The following PBX1 variants were observed in gnomAD, a reference collection of about 807,000 sequenced individuals.
PBX1 encodes the protein pre-B-cell leukemia transcription factor 1.
In PBX1, 6 loss-of-function variants were observed where a neutral mutation model predicts 53.4. That is an observed-to-expected ratio of 0.11 (90% CI 0.06 to 0.22). The LOEUF (loss-of-function observed/expected upper bound fraction) is 0.22. Among genes scored for constraint, PBX1 ranks in the 10% least tolerant of loss-of-function variants. The probability of loss-of-function intolerance (pLI) is 1.00; values close to 1 mark genes in which losing one functional copy is unlikely to be tolerated. For missense variants in PBX1, 251 were observed against 551.4 expected (o/e 0.46, Z 5.46); for synonymous variants, 204 against 212.3 (o/e 0.96, Z 0.34).
At chr1:164,813,096 T>TAC (rs778108455) in intron 6 of PBX1, 16 of 151,918 alleles carry the variant, frequency 1.1e-4, no homozygotes, top group Non-Finnish European at 2.1e-4. Flanking sequence ...TTTTAGAGTA[T>TAC]GTGGTATCTT....
chr1:164,647,524 T>A (rs76787983), intron 2 of PBX1, among the ~76,000 whole-genome samples: 1 of 152,192 alleles, frequency 6.6e-6, no homozygotes, highest in Non-Finnish European at 1.5e-5. Context: ...CTCCCAGGTA[T>A]GATCTTTTAA....
chr1:164,606,675 A>G (rs1054335780), intron 2 of PBX1, among the ~76,000 whole-genome samples: 5 of 152,202 alleles, frequency 3.3e-5, no homozygotes, highest in Non-Finnish European at 5.9e-5. Flanking sequence ...CCATGATGGC[A>G]GGGACTTTGT....
In PBX1 at chr1:164,848,805, G is replaced by A; in HGVS notation, c.*2129G>A. On this transcript the variant is annotated 3_prime_UTR_variant, in exon 9 of 9. Transcript: ENST00000420696. ...AGCAAGAACATGGAAATTCTGCTTG[G>A]CACTACAGTCATAAATAGAAAACAC... 1.9e-6 allele frequency: 2 copies of A among 1,062,720 alleles called. No homozygotes were observed. The highest frequency in any genetic ancestry group is 5.1e-5 in the East Asian group (1 of 19,700). The allele number at this position is 1,062,720 out of a possible 1,614,324, so 65.8% of individuals were successfully genotyped here.
chr1:164,823,694 CAT>C (rs770467915), intron 8 of PBX1, among the ~76,000 whole-genome samples: 7 of 152,006 alleles, frequency 4.6e-5, no homozygotes, highest in Non-Finnish European at 7.4e-5. Flanking sequence ...TGTAACCAAA[CAT>C]GTGCAGACAA....
chr1:164,620,123 G>C (rs6669208), intron 2 of PBX1, among the ~76,000 whole-genome samples: 9,801 of 152,212 alleles, frequency 0.064, 835 homozygotes, highest in East Asian at 0.39. Context: ...AGCCCAGGGA[G>C]GTCAAGGCTG....
At chr1:164,653,122 C>T (rs921088217) in intron 2 of PBX1, among the ~76,000 whole-genome samples, 12 of 152,224 alleles carry the variant, frequency 7.9e-5, no homozygotes, top group African/African-American at 2.9e-4. Context: ...CCGCCTCAGC[C>T]TCCCAAAGTG....
chr1:164,764,973 T>C (rs899477984), intron 2 of PBX1, among the ~76,000 whole-genome samples: 1 of 152,154 alleles, frequency 6.6e-6, no homozygotes, highest in African/African-American at 2.4e-5. Flanking sequence ...CTCCTGTGAA[T>C]TGGTCTTCTT....
chr1:164,854,945 CTTTTTT>C (rs539213655), downstream of PBX1, among the ~76,000 whole-genome samples: 1 of 116,364 alleles, frequency 8.6e-6, no homozygotes. Flanking sequence ...CTCTCTCTCT[CTTTTTT>C]TTTTTTTTTT....
intron 2 of PBX1, among the ~76,000 whole-genome samples, chr1:164,660,836 A>G (rs954003750): frequency 6.6e-6 from 1 of 152,230 alleles, no homozygotes; most frequent in African/African-American, 2.4e-5. Context: ...TACAAATAAC[A>G]TATCAGTTGT....
At chr1:164,572,676 T>C (rs997535815) in intron 2 of PBX1, among the ~76,000 whole-genome samples, 6 of 152,184 alleles carry the variant, frequency 3.9e-5, no homozygotes, top group African/African-American at 1.4e-4. Flanking sequence ...AGCTTCAGTG[T>C]TCTCATTTCT....
At chr1:164,660,867 C>G (rs1189458955) in intron 2 of PBX1, among the ~76,000 whole-genome samples, 1 of 152,186 alleles carries the variant, frequency 6.6e-6, no homozygotes, top group Admixed American at 6.5e-5. Context: ...AATTCTCTTT[C>G]TAGGATTCAT....
chr1:164,829,038 C>T (rs1197760111), intron 8 of PBX1: 3 of 152,158 alleles, frequency 2.0e-5, no homozygotes, highest in South Asian at 2.1e-4. Flanking sequence ...AATAAAAATG[C>T]CTTATTCCAC....
At position 164,722,131 on chromosome 1, in the gene PBX1, T is replaced by A. The variant is rs1033972760; in HGVS notation, c.266-70363T>A. ...GCCTGGCTGTCACTGATTATAGATA[T>A]CTTCAGGGCCTAAGCTCATGCTCTG... On this transcript the variant is annotated intron_variant, in intron 2 of 8. Coordinates refer to ENST00000420696, the MANE Select transcript of PBX1 (RefSeq NM_002585.4). Among the ~76,000 whole-genome samples, 9 of 152,342 alleles carry A rather than the reference T, an allele frequency of 5.9e-5. No homozygotes were observed. The South Asian group carries it at 1.9e-3, about 32-fold the overall frequency.
intron 2 of PBX1, among the ~76,000 whole-genome samples, chr1:164,790,072 C>A (rs1053117098): frequency 2.0e-5 from 3 of 151,914 alleles, no homozygotes; most frequent in Admixed American, 6.6e-5. Context: ...GAAGGAGAGG[C>A]TGCTGGGCGC....
intron 2 of PBX1, among the ~76,000 whole-genome samples, chr1:164,644,512 T>G (rs1380041671): frequency 6.6e-6 from 1 of 151,990 alleles, no homozygotes; most frequent in Non-Finnish European, 1.5e-5. Flanking sequence ...AGAGGTGGTC[T>G]TGGGCAAATC....
chr1:164,652,319 G>T (rs1323995880), intron 2 of PBX1, among the ~76,000 whole-genome samples: 1 of 152,132 alleles, frequency 6.6e-6, no homozygotes, highest in Non-Finnish European at 1.5e-5. Context: ...CCCTGTGGGG[G>T]TACTCTAGCA....
chr1:164,714,209 C>G (rs1663960738), intron 2 of PBX1, among the ~76,000 whole-genome samples: 1 of 152,146 alleles, frequency 6.6e-6, no homozygotes, highest in South Asian at 2.1e-4. Context: ...ATAAAGAAAT[C>G]TTTTATATTG....
chr1:164,577,786 C>T (rs1654356150), intron 2 of PBX1, among the ~76,000 whole-genome samples: 1 of 152,134 alleles, frequency 6.6e-6, no homozygotes, highest in East Asian at 1.9e-4. Context: ...CTATAAATTT[C>T]CACCAGCCTA....
chr1:164,697,666 C>A (rs1662869647), intron 2 of PBX1, among the ~76,000 whole-genome samples: 1 of 152,204 alleles, frequency 6.6e-6, no homozygotes, highest in Non-Finnish European at 1.5e-5. Context: ...CCACTTGGTG[C>A]CTTGAGGTCA....
Sources: allele counts gnomAD v4.1 joint callset (sites outside exome capture counted in the v4.1 genomes callset), GRCh38; gene constraint gnomAD v4.1.1; transcripts MANE v1.5; gene names NCBI Gene and HGNC (gene_info 2026-07-23, HGNC 2026-07-21).